ADAMTS19: variants seen among roughly 807,000 people sequenced by gnomAD.
ADAMTS19 encodes the protein ADAM metallopeptidase with thrombospondin type 1 motif 19.
A neutral mutation model predicts 153.3 loss-of-function variants in ADAMTS19; 93 were observed. The ratio of observed to expected loss-of-function variants is 0.61; its 90% CI spans 0.51 to 0.72. ADAMTS19 has a LOEUF of 0.72. ADAMTS19 is among the 30% of genes least tolerant of loss of function. The pLI, the probability that ADAMTS19 is intolerant of heterozygous loss-of-function variation, is 0.00. For synonymous variants in ADAMTS19, 600 were observed against 556.6 expected, an observed-to-expected ratio of 1.08 and a Z score of -1.10; for missense variants, 1,482 against 1,552.1, an observed-to-expected ratio of 0.95 and a Z score of 0.76.
At chr5:129,735,272 A>C (rs1757617874) in intron 22 of ADAMTS19, among the ~76,000 whole-genome samples, 163 bp downstream of exon 22, 1 of 149,752 alleles carries the variant, frequency 6.7e-6, no homozygotes, top group African/African-American at 2.4e-5. Flanking sequence ...CCAAATGGTC[A>C]GGTGGGTAAA....
chr5:129,587,915 G>C (rs1034445814), intron 7 of ADAMTS19, among the ~76,000 whole-genome samples: 12 of 152,098 alleles, frequency 7.9e-5, no homozygotes, highest in African/African-American at 2.9e-4. Context: ...AATACTAACA[G>C]GGAAAAAGTG....
chr5:129,483,216 CT>C (rs1750474736), intron 2 of ADAMTS19, among the ~76,000 whole-genome samples: 2 of 152,074 alleles, frequency 1.3e-5, no homozygotes, highest in East Asian at 1.9e-4. Flanking sequence ...ATGTAACTTC[CT>C]TTTTAAGAGC....
chr5:129,516,042 A>G (rs1751594281), intron 3 of ADAMTS19, among the ~76,000 whole-genome samples: 1 of 151,884 alleles, frequency 6.6e-6, no homozygotes, highest in African/African-American at 2.4e-5. Context: ...AATTGACATG[A>G]TCATATGGTT....
At chr5:129,631,826 C>T (rs773009243) in intron 10 of ADAMTS19, among the ~76,000 whole-genome samples, 1 of 151,802 alleles carries the variant, frequency 6.6e-6, no homozygotes, top group Non-Finnish European at 1.5e-5. Flanking sequence ...TGAGGTAGTT[C>T]ATTAATGTTT....
intron 2 of ADAMTS19, among the ~76,000 whole-genome samples, chr5:129,478,521 C>T (rs915642109): frequency 1.7e-4 from 26 of 152,082 alleles, no homozygotes; most frequent in African/African-American, 6.0e-4. Flanking sequence ...TACAAGGATA[C>T]GTAGAAAGTG....
chr5:129,466,747 G>A (rs1328551957), intron 2 of ADAMTS19, among the ~76,000 whole-genome samples: 7 of 152,118 alleles, frequency 4.6e-5, no homozygotes, highest in African/African-American at 1.7e-4. Context: ...AATACATGCC[G>A]TTATACGCTA....
chr5:129,709,657 T>TAACA (rs2067325), intron 21 of ADAMTS19, among the ~76,000 whole-genome samples: 143,348 of 152,042 alleles, frequency 0.94, 67,684 homozygotes, highest in East Asian at 1. Flanking sequence ...GAACAACTCA[T>TAACA]AACAAGTGCA....
At chr5:129,622,598 A>T (rs552089498) in intron 10 of ADAMTS19, among the ~76,000 whole-genome samples, 1 of 152,326 alleles carries the variant, frequency 6.6e-6, no homozygotes, top group South Asian at 2.1e-4. Context: ...CATTGATATC[A>T]GGGAAGTATT....
chr5:129,597,284 G>C (rs1750424701), intron 8 of ADAMTS19, among the ~76,000 whole-genome samples: 1 of 152,064 alleles, frequency 6.6e-6, no homozygotes, highest in African/African-American at 2.4e-5. Context: ...CACTTACATA[G>C]TACTTACTAT....
At chr5:129,694,341 G>C (rs1186918894) in intron 18 of ADAMTS19, among the ~76,000 whole-genome samples, 2 of 152,048 alleles carry the variant, frequency 1.3e-5, no homozygotes, top group Non-Finnish European at 2.9e-5. Flanking sequence ...TGTACCCTCT[G>C]AATCTAAAAT....
rs1479458933 is a variant in ADAMTS19 at position 129,622,148 on chromosome 5, C to G, written c.1620-50C>G. 3.1e-6 allele frequency: 5 copies of G among 1,595,796 alleles called. No individual in the cohort carries two copies. The East Asian group carries it at 8.9e-5, about 29-fold the overall frequency. On this transcript the variant is annotated intron_variant, in intron 9 of 22. Coordinates refer to ENST00000274487, the MANE Select transcript of ADAMTS19 (RefSeq NM_133638.6). ...CTTGTTGTATGCTAACCAATCATATCAGCTTTTTACATTAAATTCAAAAGT... is the reference window on the plus strand; with the variant it reads ...CTTGTTGTATGCTAACCAATCATATGAGCTTTTTACATTAAATTCAAAAGT...
intron 2 of ADAMTS19, among the ~76,000 whole-genome samples, chr5:129,503,094 G>A (rs1336475424): frequency 6.6e-6 from 1 of 152,178 alleles, no homozygotes; most frequent in East Asian, 1.9e-4. Flanking sequence ...ATTTTGAAAT[G>A]TGTTTGTTCA....
chr5:129,710,696 A>G (rs967382169), intron 21 of ADAMTS19, among the ~76,000 whole-genome samples: 3 of 152,226 alleles, frequency 2.0e-5, no homozygotes, highest in Admixed American at 2.0e-4. Flanking sequence ...TGACAGTAGT[A>G]TGTCAGACTT....
intron 21 of ADAMTS19, among the ~76,000 whole-genome samples, chr5:129,715,783 T>C (rs927463205): frequency 2.0e-5 from 3 of 152,220 alleles, no homozygotes; most frequent in Non-Finnish European, 2.9e-5. Context: ...GCTCATCAGA[T>C]AGTTAAATAC....
chr5:129,526,319 A>T lies in ADAMTS19; in HGVS notation c.949A>T (p.Ser317Cys). 3 of 1,593,904 alleles carry T rather than the reference A, an allele frequency of 1.9e-6. No homozygotes were observed. Among genetic ancestry groups the T allele is most frequent in the Non-Finnish European group, 2.6e-6 (3 of 1,172,594 alleles). The change falls in exon 4 of 23, where the codon AGT becomes TGT. Residue 317 changes from serine to cysteine, a missense_variant. This residue lies in a region of ADAMTS19 where 866 missense variants were observed against 827.7 expected (regional missense o/e 1.05). Coordinates refer to ENST00000274487, the MANE Select transcript of ADAMTS19 (RefSeq NM_133638.6). ...GRPRSRKIAE[S>C]GRGKRYSYKL... ...ACCTAGGTCTAGAAAAATAGCAGAA[A>T]GTGGAAGAGGGAAACGATATTCATA...
intron 10 of ADAMTS19, among the ~76,000 whole-genome samples, chr5:129,628,380 T>C (rs1410792285): frequency 6.6e-6 from 1 of 151,790 alleles, no homozygotes; most frequent in Non-Finnish European, 1.5e-5. Flanking sequence ...GGTGATGAAA[T>C]CATCTGTACA....
chr5:129,659,276 C>T (rs1339908842), intron 15 of ADAMTS19, among the ~76,000 whole-genome samples: 1 of 152,128 alleles, frequency 6.6e-6, no homozygotes, highest in Non-Finnish European at 1.5e-5. Flanking sequence ...TTCATCCTCC[C>T]TTGTTTTCTC....
At chr5:129,537,381 A>G (rs1420913360) in intron 6 of ADAMTS19, among the ~76,000 whole-genome samples, 1 of 152,162 alleles carries the variant, frequency 6.6e-6, no homozygotes, top group East Asian at 1.9e-4. Context: ...TTCCTCAGGG[A>G]TCTAGAACTA....
chr5:129,606,406 T>C (rs1750895754), intron 8 of ADAMTS19, among the ~76,000 whole-genome samples: 1 of 152,238 alleles, frequency 6.6e-6, no homozygotes, highest in South Asian at 2.1e-4. Context: ...ACTTCCATAA[T>C]CTGTGGCCAA....
Sources: allele counts gnomAD v4.1 joint callset (sites outside exome capture counted in the v4.1 genomes callset), GRCh38; gene constraint gnomAD v4.1.1; regional missense constraint gnomAD v4.1.1; transcripts MANE v1.5; gene names NCBI Gene and HGNC (gene_info 2026-07-23, HGNC 2026-07-21).